The following NFATC2 variants were observed in gnomAD, a reference collection of about 807,000 sequenced individuals.
The protein encoded by NFATC2 is nuclear factor of activated T cells 2.
Under a neutral mutation model 87.3 loss-of-function variants are expected in NFATC2, and 22 were observed. The ratio of observed to expected loss-of-function variants is 0.25; its 90% CI spans 0.18 to 0.36. The LOEUF is 0.36. NFATC2 is among the 10% of genes least tolerant of loss of function. The probability of loss-of-function intolerance (pLI) is 1.00; values close to 1 mark genes in which losing one functional copy is unlikely to be tolerated. For missense variants in NFATC2, 1,149 were observed against 1,259.1 expected (o/e 0.91, Z 1.32); for synonymous variants, 565 against 542.2 (o/e 1.04, Z -0.58).
In NFATC2 at chr20:51,391,466, AGG is replaced by A; in HGVS notation, c.*45-17_*45-16del. 3.6e-6 allele frequency: 3 copies of A among 842,020 alleles called. No homozygotes were observed. Among genetic ancestry groups the A allele is most frequent in the Non-Finnish European group, 5.3e-6 (3 of 568,500 alleles). 52.2% of individuals were successfully genotyped at this position (842,020 alleles called of 1,614,324 possible). A position where few individuals can be genotyped will look rare whatever the true frequency, so the allele number is the denominator to read the frequency against. On this transcript the variant is annotated splice_polypyrimidine_tract_variant and intron_variant, in intron 10 of 10. Coordinates refer to ENST00000371564, the MANE Select transcript of NFATC2 (RefSeq NM_012340.5). ...AATTTCATTAACTACAAAAGAAAAG[AGG>A]AGGGGGGGGGAGAGAGAATGGGGCA... is the stretch of plus-strand genomic sequence containing the variant.
rs1331293509 is a variant in NFATC2, at chr20:51,480,856, A to T, written c.1333-5196T>A. On this transcript the variant is annotated intron_variant, in intron 3 of 10. Transcript: ENST00000371564. The surrounding 1 kb of genome is among the most constrained non-coding windows in gnomAD (Gnocchi z 4.2). ...TGTCATCGGAGGATGACGCAAATCG[A>T]AACAGGGAGGTGATATTACAGAACT... is the stretch of plus-strand genomic sequence containing the variant. Among the ~76,000 whole-genome samples the T allele has an allele frequency of 6.6e-6, 1 of 152,204 alleles. No individual in the cohort carries two copies. Among genetic ancestry groups the T allele is most frequent in the East Asian group, 1.9e-4 (1 of 5,196 alleles).
chr20:51,421,204 G>A (rs374609368), intron 9 of NFATC2, among the ~76,000 whole-genome samples: 20 of 152,228 alleles, frequency 1.3e-4, no homozygotes, highest in African/African-American at 3.9e-4. Flanking sequence ...CTGAAGCCTC[G>A]TGGTGGGTAT....
chr20:51,544,374 G>A (rs540350557), upstream of NFATC2, among the ~76,000 whole-genome samples: 5 of 152,120 alleles, frequency 3.3e-5, no homozygotes, highest in East Asian at 3.9e-4. Context: ...TAAGATCCTC[G>A]TGAGAACCAC....
At chr20:51,528,791 G>C (rs945507842) in intron 1 of NFATC2, among the ~76,000 whole-genome samples, 2 of 152,202 alleles carry the variant, frequency 1.3e-5, no homozygotes, top group Admixed American at 6.5e-5. Flanking sequence ...GAAGAGTGCA[G>C]TCCTGCTCCG....
In NFATC2 at chr20:51,517,049, A is replaced by G. The variant is rs755574700; in HGVS notation, c.1161-94T>C. 4 of 1,251,098 alleles carry G rather than the reference A, an allele frequency of 3.2e-6. No homozygotes were observed. In the Admixed American group the frequency reaches 6.8e-5, roughly 21 times the overall value. 77.5% of individuals were successfully genotyped at this position (1,251,098 alleles called of 1,614,324 possible). On this transcript the variant is annotated intron_variant, in intron 2 of 10. Transcript: ENST00000371564. ...AAACGGCCCTTTCTGAAAATCATGG[A>G]TACAGTCATGTATTGCTCAACAATG...
intron 1 of NFATC2, 27 bp downstream of exon 1, chr20:51,542,343 G>A: frequency 6.3e-7 from 1 of 1,598,688 alleles, no homozygotes. Context: ...GGGCTCAGGG[G>A]CCAGGCCAGG....
chr20:51,449,183 G>A lies in NFATC2; in HGVS notation c.1849+5365C>T, dbSNP rs546865663. 3.9e-5 allele frequency among the ~76,000 whole-genome samples: 6 copies of A among 152,258 alleles called. No individual in the cohort carries two copies. In the South Asian group the frequency reaches 8.3e-4, roughly 21 times the overall value. ...TGGAAAACTTCAACTGTTCCGCCCC[G>A]CCCCGCAGAGCCCTTGCTGGCCAAA... On this transcript the variant is annotated intron_variant, in intron 6 of 10. Coordinates refer to ENST00000371564, the MANE Select transcript of NFATC2 (RefSeq NM_012340.5).
At chr20:51,540,653 T>TTTGTTTTG (rs1555818295) in intron 1 of NFATC2, among the ~76,000 whole-genome samples, 1 of 132,164 alleles carries the variant, frequency 7.6e-6, no homozygotes, top group Non-Finnish European at 1.6e-5. Context: ...TGAAGTTTTT[T>TTTGTTTTG]TTTTGTTTTT....
At position 51,513,657 on chromosome 20, in the gene NFATC2, A is replaced by G. The variant is rs1282545668; in HGVS notation, c.1332+3127T>C. On this transcript the variant is annotated intron_variant, in intron 3 of 10. Coordinates refer to ENST00000371564, the MANE Select transcript of NFATC2 (RefSeq NM_012340.5). ...TTTCCAGGGCCCCAGCCCCTGATGA[A>G]TGGGTGAGCTGAGCCTCACTCCTCA... Among the ~76,000 whole-genome samples, 5 of 152,186 alleles carry G rather than the reference A, an allele frequency of 3.3e-5. No individual in the cohort carries two copies. The South Asian group carries it at 8.3e-4, about 25-fold the overall frequency.
intron 3 of NFATC2, among the ~76,000 whole-genome samples, chr20:51,504,933 A>G (rs747234709): frequency 1.3e-5 from 2 of 151,580 alleles, no homozygotes; most frequent in South Asian, 2.1e-4. Context: ...GAAAAAAAAG[A>G]CTAAAAAGAA....
chr20:51,425,064 A>G (rs1052724490), intron 9 of NFATC2, among the ~76,000 whole-genome samples: 21 of 152,002 alleles, frequency 1.4e-4, no homozygotes, highest in Admixed American at 2.0e-4. Flanking sequence ...AAATTGTCTT[A>G]AAAGGCTCCT....
intron 6 of NFATC2, among the ~76,000 whole-genome samples, chr20:51,443,026 AC>A (rs1398709212): frequency 2.0e-5 from 3 of 152,048 alleles, no homozygotes; most frequent in African/African-American, 7.2e-5. Context: ...TCCATTAGAC[AC>A]ACTGGCCTTC....
chr20:51,533,832 G>A (rs533210695), intron 1 of NFATC2, among the ~76,000 whole-genome samples: 49 of 152,356 alleles, frequency 3.2e-4, no homozygotes, highest in African/African-American at 1.1e-3. Flanking sequence ...CTTTTGGATA[G>A]GGGTGGAGAA....
chr20:51,484,731 G>A (rs547269373), intron 3 of NFATC2, among the ~76,000 whole-genome samples: 3 of 152,200 alleles, frequency 2.0e-5, no homozygotes, highest in Middle Eastern at 3.2e-3. Context: ...GTGTGGGCAC[G>A]ACTCAGCTGG....
At chr20:51,441,119 C>T (rs1474284067) in intron 6 of NFATC2, among the ~76,000 whole-genome samples, 2 of 151,952 alleles carry the variant, frequency 1.3e-5, no homozygotes, top group African/African-American at 4.8e-5. Flanking sequence ...CCGATCTCTA[C>T]TACAAATACA....
chr20:51,482,547 TAAC>T (rs1346332270), intron 3 of NFATC2, among the ~76,000 whole-genome samples: 3 of 152,306 alleles, frequency 2.0e-5, no homozygotes, highest in African/African-American at 7.2e-5. Context: ...AATTGACAAA[TAAC>T]AATTTTATAT....
rs143568597 is a variant in NFATC2, at chr20:51,557,681, G to A, written c.70+4879C>T. Among the ~76,000 whole-genome samples the A allele has an allele frequency of 2.0e-5, 3 of 152,314 alleles. No homozygotes were observed. The East Asian group carries it at 5.8e-4, about 29-fold the overall frequency. Reference sequence around the variant, plus strand: ...CAGAAGAGAGTGAGACACAATGAGAGTGCGGTCCTTCAGCTTGTCCGAATG... The same window carrying A: ...CAGAAGAGAGTGAGACACAATGAGAATGCGGTCCTTCAGCTTGTCCGAATG... On this transcript the variant is annotated intron_variant, in intron 1 of 10. Coordinates refer to the NFATC2 transcript ENST00000414705.
intron 1 of NFATC2, among the ~76,000 whole-genome samples, chr20:51,561,255 G>A (rs1485654905): frequency 6.7e-6 from 1 of 150,110 alleles, no homozygotes; most frequent in Non-Finnish European, 1.5e-5. Flanking sequence ...CTAAAACTAT[G>A]TGTCATTGAG....
At chr20:51,517,650 C>T (rs2076374898) in intron 2 of NFATC2, among the ~76,000 whole-genome samples, 2 of 151,668 alleles carry the variant, frequency 1.3e-5, no homozygotes, top group South Asian at 4.2e-4. Flanking sequence ...GGTGCAGTGG[C>T]TCATGCCTGT....
Sources: gnomAD v4.1 joint callset for allele counts (sites outside exome capture counted in the v4.1 genomes callset) on GRCh38, gnomAD v4.1.1 for gene constraint, Gnocchi (gnomAD v3.1) non-coding constraint, MANE v1.5 for transcripts, NCBI Gene and HGNC (gene_info 2026-07-23, HGNC 2026-07-21) for gene names.